The following TAFA4 variants were observed in gnomAD, a reference collection of about 807,000 sequenced individuals.
TAFA4 encodes the protein chemokine-like protein TAFA-4.
TAFA4 carries 20 observed loss-of-function variants against 21.1 expected under a neutral mutation model. That is an observed-to-expected ratio of 0.95 (90% confidence interval 0.67 to 1.38). TAFA4 has a LOEUF of 1.38. TAFA4 is among the 40% of genes most tolerant of loss of function. The pLI is 0.00. For synonymous variants in TAFA4, 71 were observed against 67.4 expected (o/e 1.05, Z -0.26); for missense variants, 211 against 180.9 (o/e 1.17, Z -0.95).
chr3:68,851,479 A>C (rs1259613417), intron 3 of TAFA4, among the ~76,000 whole-genome samples: 1 of 152,194 alleles, frequency 6.6e-6, no homozygotes, highest in Non-Finnish European at 1.5e-5. Flanking sequence ...CCCAGAATTT[A>C]AAATAAAAAT....
chr3:68,780,318 G>T (rs1384290974), intron 3 of TAFA4, among the ~76,000 whole-genome samples: 1 of 152,152 alleles, frequency 6.6e-6, no homozygotes, highest in African/African-American at 2.4e-5. Flanking sequence ...GGAGACTATT[G>T]GGAAGGCATG....
chr3:68,804,194 G>T (rs1003426746), intron 3 of TAFA4, among the ~76,000 whole-genome samples: 4 of 152,036 alleles, frequency 2.6e-5, no homozygotes, highest in Non-Finnish European at 5.9e-5. Flanking sequence ...AAACATAAAA[G>T]TAAATCACCA....
At chr3:68,884,141 G>A (rs925393644) in intron 2 of TAFA4, among the ~76,000 whole-genome samples, 1 of 150,100 alleles carries the variant, frequency 6.7e-6, no homozygotes, top group Non-Finnish European at 1.5e-5. Context: ...TTAAATATAT[G>A]AATTATATGA....
At chr3:68,785,857 A>T (rs936659923) in intron 3 of TAFA4, among the ~76,000 whole-genome samples, 14 of 152,246 alleles carry the variant, frequency 9.2e-5, no homozygotes, top group Non-Finnish European at 1.8e-4. Flanking sequence ...CACTTTTCTT[A>T]AGAGGCATCT....
At chr3:68,742,969 C>CAA (rs1702385356) in intron 4 of TAFA4, among the ~76,000 whole-genome samples, 1 of 152,184 alleles carries the variant, frequency 6.6e-6, no homozygotes, top group Non-Finnish European at 1.5e-5. Flanking sequence ...GTTCCCCAGA[C>CAA]AAACACTATG....
rs1702294477 is a variant in TAFA4 at position 68,738,994 on chromosome 3, T to C, written c.411+81A>G. The stretch of plus-strand genomic sequence containing the variant: ...TTTATTAACACATAATAATGTGTTC[T>C]TGATGGCAGAATAAAATCAAGGGGA... On this transcript the variant is annotated intron_variant, in intron 5 of 5. Transcript: ENST00000295569. The C allele has an allele frequency of 2.5e-6, 4 of 1,576,874 alleles. No individual in the cohort carries two copies. The African/African-American group carries it at 4.1e-5, about 16-fold the overall frequency.
intron 1 of TAFA4, among the ~76,000 whole-genome samples, chr3:68,909,632 G>A (rs769722079): frequency 2.4e-4 from 36 of 152,196 alleles, no homozygotes; most frequent in Non-Finnish European, 4.1e-4. Flanking sequence ...AAAGGTAGCT[G>A]GACTAAATGG....
intron 3 of TAFA4, among the ~76,000 whole-genome samples, chr3:68,848,443 C>T (rs1247310865): frequency 1.3e-5 from 2 of 152,140 alleles, no homozygotes; most frequent in African/African-American, 4.8e-5. Context: ...ACTGGAGTTT[C>T]CTGTGACCTA....
intron 3 of TAFA4, among the ~76,000 whole-genome samples, chr3:68,803,797 C>CTTTTTTTTTTTTTTTTTTTTT (rs386396961): frequency 2.5e-5 from 2 of 81,594 alleles, no homozygotes; most frequent in African/African-American, 1.0e-4. Context: ...ATCTCTGATT[C>CTTTTTTTTTTTTTTTTTTTTT]TTTTTTTTTT....
intron 3 of TAFA4, among the ~76,000 whole-genome samples, chr3:68,770,942 C>T (rs926232087): frequency 2.0e-5 from 3 of 152,184 alleles, no homozygotes; most frequent in Admixed American, 6.5e-5. Context: ...AGAGGGCACA[C>T]ACACAAGCGG....
At position 68,822,658 on chromosome 3, in the gene TAFA4, T is replaced by G. The variant is rs1380338248; in HGVS notation, c.130+58072A>C. On this transcript the variant is annotated intron_variant, in intron 3 of 5. Transcript: ENST00000295569. ...AGTTAATTTTTGTCTTTTGTAGAGA[T>G]GGAGTTTAACCATGTTTCAGGGAGG... is the stretch of plus-strand genomic sequence containing the variant. Among the ~76,000 whole-genome samples the G allele has an allele frequency of 2.0e-5, 3 of 152,196 alleles. No homozygotes were observed. In the South Asian group the frequency reaches 6.2e-4, roughly 32 times the overall value.
intron 4 of TAFA4, among the ~76,000 whole-genome samples, chr3:68,749,930 A>G (rs1702530778): frequency 2.0e-5 from 3 of 152,284 alleles, no homozygotes; most frequent in Admixed American, 6.5e-5. Context: ...TCACATATAG[A>G]TATCTATCTA....
chr3:68,796,025 AT>A (rs1559523600), intron 3 of TAFA4, among the ~76,000 whole-genome samples: 1 of 152,026 alleles, frequency 6.6e-6, no homozygotes, highest in Non-Finnish European at 1.5e-5. Flanking sequence ...AGCAGAGACT[AT>A]TGTTTTCTTC....
intron 3 of TAFA4, among the ~76,000 whole-genome samples, chr3:68,842,495 C>T (rs939006206): frequency 6.6e-6 from 1 of 152,116 alleles, no homozygotes; most frequent in African/African-American, 2.4e-5. Context: ...CTGTAGGTTG[C>T]CTATTCACTC....
chr3:68,763,150 A>G (rs2106769922), intron 3 of TAFA4, among the ~76,000 whole-genome samples: 1 of 152,374 alleles, frequency 6.6e-6, no homozygotes, highest in African/African-American at 2.4e-5. Context: ...GAGAAAGTCA[A>G]CTGAAATATT....
At chr3:68,900,735 T>G (rs1213002387) in intron 1 of TAFA4, among the ~76,000 whole-genome samples, 2 of 152,188 alleles carry the variant, frequency 1.3e-5, no homozygotes, top group African/African-American at 4.8e-5. Flanking sequence ...CAACAAATAC[T>G]TGCTGAATCA....
chr3:68,854,538 C>T (rs750260491), intron 3 of TAFA4, among the ~76,000 whole-genome samples: 9 of 152,098 alleles, frequency 5.9e-5, no homozygotes, highest in Admixed American at 6.6e-5. Flanking sequence ...TCTGGGCAAG[C>T]ACCAAGTCTT....
Position 68,752,552 on chromosome 3 carries a change from G to C in TAFA4, c.286+311C>G, listed in dbSNP as rs562008142. ...TGAGTAGAGAGCATAAGAGGAAGGAGAACAGGGCATCAGAGGAAACAATTG... is the reference window on the plus strand; with the variant it reads ...TGAGTAGAGAGCATAAGAGGAAGGACAACAGGGCATCAGAGGAAACAATTG... On this transcript the variant is annotated intron_variant, in intron 4 of 5. Transcript: ENST00000295569. Among the ~76,000 whole-genome samples the C allele has an allele frequency of 1.1e-3, 164 of 152,316 alleles. 1 individual carries two copies. The highest frequency in any genetic ancestry group is 1.7e-3 in the Non-Finnish European group (119 of 68,020).
At chr3:68,766,795 C>T (rs1051924335) in intron 3 of TAFA4, among the ~76,000 whole-genome samples, 5 of 152,092 alleles carry the variant, frequency 3.3e-5, no homozygotes, top group Non-Finnish European at 7.4e-5. Context: ...AAGGTGTTTC[C>T]TCATGGAATT....
Sources: allele counts gnomAD v4.1 joint callset (sites outside exome capture counted in the v4.1 genomes callset), GRCh38; gene constraint gnomAD v4.1.1; transcripts MANE v1.5; gene names NCBI Gene and HGNC (gene_info 2026-07-23, HGNC 2026-07-21).